FGF12: variants seen among roughly 807,000 people sequenced by gnomAD.
FGF12 encodes fibroblast growth factor 12, also known as fibroblast growth factor 12B.
In FGF12, 14 loss-of-function variants were observed where a neutral mutation model predicts 23.6. The ratio of observed to expected loss-of-function variants is 0.59; its 90% CI spans 0.39 to 0.93. The LOEUF is 0.93. Ranked by LOEUF, FGF12 falls within the 40% of genes least tolerant of loss-of-function variation. FGF12 has a pLI of 0.00. For synonymous variants in FGF12, 62 were observed against 77.3 expected (o/e 0.80, Z 1.04); for missense variants, 175 against 217.8 (o/e 0.80, Z 1.24).
intron 3 of FGF12, among the ~76,000 whole-genome samples, chr3:192,353,905 A>AT (rs917824141): frequency 6.6e-6 from 1 of 152,214 alleles, no homozygotes; most frequent in Non-Finnish European, 1.5e-5. Flanking sequence ...CATCTGTTTA[A>AT]TTTTTTGTAG....
Position 192,284,091 on chromosome 3 carries a change from T to C in FGF12, c.228+51270A>G, listed in dbSNP as rs189896577. On this transcript the variant is annotated intron_variant, in intron 4 of 5. Transcript: ENST00000445105. ...AACACTGAATTCTGCATTGCAGCTTTTCCAGCTACTAGACACTTGCCACTA... is the reference window on the plus strand; with the variant it reads ...AACACTGAATTCTGCATTGCAGCTTCTCCAGCTACTAGACACTTGCCACTA... Among the ~76,000 whole-genome samples, 261 of 152,176 alleles carry C rather than the reference T, an allele frequency of 1.7e-3. 2 individuals carry two copies. The highest frequency in any genetic ancestry group is 6.0e-3 in the African/African-American group (248 of 41,558).
chr3:192,440,623 G>A (rs1357485048), intron 2 of FGF12, among the ~76,000 whole-genome samples: 2 of 152,184 alleles, frequency 1.3e-5, no homozygotes, highest in Non-Finnish European at 2.9e-5. Flanking sequence ...CTAGCTACAA[G>A]GATATCAGGC....
chr3:192,237,336 T>C (rs1719355945), intron 4 of FGF12, among the ~76,000 whole-genome samples: 1 of 152,138 alleles, frequency 6.6e-6, no homozygotes, highest in Admixed American at 6.5e-5. Flanking sequence ...TTGTATAGTA[T>C]TTTGCAGGGG....
intron 4 of FGF12, among the ~76,000 whole-genome samples, chr3:192,292,550 A>G (rs1714812478): frequency 6.6e-6 from 1 of 152,204 alleles, no homozygotes; most frequent in South Asian, 2.1e-4. Flanking sequence ...AGAGGATATT[A>G]AAGGAAAAAT....
At chr3:192,706,844 C>G (rs1396606046) in intron 2 of FGF12, among the ~76,000 whole-genome samples, 1 of 152,174 alleles carries the variant, frequency 6.6e-6, no homozygotes, top group Non-Finnish European at 1.5e-5. Flanking sequence ...GAATTATTCA[C>G]TATAATCCCA....
At chr3:192,371,030 T>C (rs981022398) in intron 2 of FGF12, among the ~76,000 whole-genome samples, 1 of 152,190 alleles carries the variant, frequency 6.6e-6, no homozygotes, top group East Asian at 1.9e-4. Context: ...AGTTTGACAC[T>C]GGTCAACCTC....
At chr3:192,162,454 G>A (rs931276419) in intron 5 of FGF12, among the ~76,000 whole-genome samples, 1 of 152,130 alleles carries the variant, frequency 6.6e-6, no homozygotes, top group African/African-American at 2.4e-5. Flanking sequence ...GGAAGAATGT[G>A]TGGGGAAGAG....
intron 5 of FGF12, among the ~76,000 whole-genome samples, chr3:192,155,231 T>G (rs996756953): frequency 6.6e-6 from 1 of 152,144 alleles, no homozygotes; most frequent in Non-Finnish European, 1.5e-5. Flanking sequence ...CCTAGTGAGA[T>G]GAACCCGGTA....
rs114798096 is a variant in FGF12 at position 192,505,750 on chromosome 3, C to T, written c.14-145212G>A. 4.1e-3 allele frequency among the ~76,000 whole-genome samples: 630 copies of T among 152,176 alleles called. 4 individuals carry two copies. Among genetic ancestry groups the T allele is most frequent in the African/African-American group, 0.015 (612 of 41,516 alleles). On this transcript the variant is annotated intron_variant, in intron 2 of 5. Transcript: ENST00000445105. ...CTGTCAAATTCCCTAAAGGTAACTG[C>T]GGTTAATTGAAAAATCACAGAATTA...
intron 4 of FGF12, among the ~76,000 whole-genome samples, chr3:192,328,980 A>C (rs1200149234): frequency 6.6e-6 from 1 of 152,198 alleles, no homozygotes; most frequent in Admixed American, 6.5e-5. Flanking sequence ...ACTTTGATCA[A>C]TGTAATCATA....
In FGF12 at chr3:192,395,641, G is replaced by A. The variant is rs141914397; in HGVS notation, c.14-35103C>T. Reference sequence around the variant, plus strand: ...GCCCTCCAGGAACTCACTCTCCAGCGGCAGAGACAAACAGGTACTTATAGA... The same window carrying A: ...GCCCTCCAGGAACTCACTCTCCAGCAGCAGAGACAAACAGGTACTTATAGA... On this transcript the variant is annotated intron_variant, in intron 2 of 5. Coordinates refer to ENST00000445105, the MANE Select transcript of FGF12 (RefSeq NM_004113.6). 3.1e-3 allele frequency among the ~76,000 whole-genome samples: 470 copies of A among 152,258 alleles called. 1 individual carries two copies. The highest frequency in any genetic ancestry group is 0.011 in the African/African-American group (448 of 41,536).
intron 2 of FGF12, among the ~76,000 whole-genome samples, chr3:192,438,981 C>T (rs1722111860): frequency 6.6e-6 from 1 of 152,200 alleles, no homozygotes; most frequent in East Asian, 1.9e-4. Flanking sequence ...AACTGCAACG[C>T]TAACTCTATG....
At chr3:192,406,056 T>C (rs1576956394) in intron 2 of FGF12, among the ~76,000 whole-genome samples, 1 of 152,094 alleles carries the variant, frequency 6.6e-6, no homozygotes, top group East Asian at 1.9e-4. Flanking sequence ...AGATGAACAC[T>C]GTGTAGAACA....
intron 2 of FGF12, among the ~76,000 whole-genome samples, chr3:192,557,699 C>T (rs1453004136): frequency 6.6e-6 from 1 of 151,794 alleles, no homozygotes; most frequent in East Asian, 1.9e-4. Flanking sequence ...CAACAGCACA[C>T]TGAAAGAATC....
Position 192,408,687 on chromosome 3 carries a change from T to C in FGF12, c.14-48149A>G, listed in dbSNP as rs1721070508. On this transcript the variant is annotated intron_variant, in intron 2 of 5. Coordinates refer to ENST00000445105, the MANE Select transcript of FGF12 (RefSeq NM_004113.6). This position sits in a 1 kb window ranked among gnomAD's most constrained non-coding sequence, Gnocchi z 7.3. ...CAAAGTATACCTACACATACATACA[T>C]AGAAAACCCGTTTACAAAGCAGAGT... The C allele has an allele frequency of 1.0e-5, 10 of 990,876 alleles. No individual in the cohort carries two copies. Among genetic ancestry groups the C allele is most frequent in the Non-Finnish European group, 1.2e-5 (10 of 834,030 alleles). The allele number at this position is 990,876 out of a possible 1,614,324, so 61.4% of individuals were successfully genotyped here. A position where few individuals can be genotyped will look rare whatever the true frequency, so the allele number is the denominator to read the frequency against.
At chr3:192,722,661 A>G (rs1337796326) in intron 2 of FGF12, among the ~76,000 whole-genome samples, 1 of 152,200 alleles carries the variant, frequency 6.6e-6, no homozygotes, top group African/African-American at 2.4e-5. Context: ...TTCTGGATCC[A>G]TGAAGTTGGC....
In FGF12 at chr3:192,360,547, C is replaced by T. The variant is rs1210129728; in HGVS notation, c.14-9G>A. The T allele has an allele frequency of 6.3e-7, 1 of 1,596,212 alleles. No individual in the cohort carries two copies. Among genetic ancestry groups the T allele is most frequent in the South Asian group, 1.1e-5 (1 of 90,710 alleles). On this transcript the variant is annotated splice_polypyrimidine_tract_variant and intron_variant, in intron 2 of 5. Coordinates refer to ENST00000445105, the MANE Select transcript of FGF12 (RefSeq NM_004113.6). This position sits in a 1 kb window ranked among gnomAD's most constrained non-coding sequence, Gnocchi z 4.3. ...CCCTTTGAGCTGGGGTTCTGCAAAA[C>T]AAAATAATTATTCAAATTTTTATTT... is the stretch of plus-strand genomic sequence containing the variant.
chr3:192,454,761 T>C (rs1722628725), intron 2 of FGF12, among the ~76,000 whole-genome samples: 1 of 152,126 alleles, frequency 6.6e-6, no homozygotes, highest in South Asian at 2.1e-4. Context: ...TGATACTGAT[T>C]GTTAATTACT....
chr3:192,234,953 T>C (rs985056244), intron 4 of FGF12, among the ~76,000 whole-genome samples: 1 of 152,166 alleles, frequency 6.6e-6, no homozygotes, highest in Non-Finnish European at 1.5e-5. Context: ...TGATATTTTG[T>C]TGAAGATTTT....
Sources: gnomAD v4.1 joint callset for allele counts (sites outside exome capture counted in the v4.1 genomes callset) on GRCh38, gnomAD v4.1.1 for gene constraint, Gnocchi (gnomAD v3.1) non-coding constraint, MANE v1.5 for transcripts, NCBI Gene and HGNC (gene_info 2026-07-23, HGNC 2026-07-21) for gene names.